LZTS2: variants seen among roughly 807,000 people sequenced by gnomAD.
LZTS2 encodes leucine zipper putative tumor suppressor 2.
In LZTS2, 32 loss-of-function variants were observed where a neutral mutation model predicts 60.6. That is an observed-to-expected ratio of 0.53 (90% CI 0.40 to 0.71). The LOEUF (loss-of-function observed/expected upper bound fraction) is 0.71. Among genes scored for constraint, LZTS2 ranks in the 30% least tolerant of loss-of-function variants. The pLI, the probability that LZTS2 is intolerant of heterozygous loss-of-function variation, is 0.00. For synonymous variants in LZTS2, 360 were observed against 393.1 expected, an observed-to-expected ratio of 0.92 and a Z score of 1.00; for missense variants, 792 against 901.9, an observed-to-expected ratio of 0.88 and a Z score of 1.56.
At chr10:101,006,761 G>A (rs746983236) in exon 4 of LZTS2, 1 of 1,571,778 alleles carries the variant, frequency 6.4e-7, no homozygotes, top group Non-Finnish European at 8.6e-7. Flanking sequence ...TGCTGAGGCG[G>A]CCGGACTCCG....
At chr10:100,999,840 C>G (rs1365307773) in exon 1 of LZTS2, 1 of 148,006 alleles carries the variant, frequency 6.8e-6, no homozygotes, top group Non-Finnish European at 1.5e-5. Flanking sequence ...AGTGGCGGCG[C>G]GCGGGCCAGG....
exon 1 of LZTS2, chr10:101,002,913 A>G (rs763622096): frequency 1.2e-6 from 2 of 1,612,752 alleles, no homozygotes; most frequent in East Asian, 4.5e-5. Context: ...GCCCACCACC[A>G]AAGCTCATCC....
chr10:101,006,447 C>G, intron 3 of LZTS2, 38 bp from the exon 5 acceptor site: 1 of 1,576,384 alleles, frequency 6.3e-7, no homozygotes, highest in Non-Finnish European at 8.6e-7. Flanking sequence ...CCAGGAGAAC[C>G]TGTCTCACCA....
At chr10:100,999,877 C>A (rs1485578657) in exon 1 of LZTS2, 3 of 150,500 alleles carry the variant, frequency 2.0e-5, no homozygotes, top group Non-Finnish European at 4.4e-5. Context: ...GGGCCGGAGC[C>A]GGAGCCGGGG....
exon 1 of LZTS2, chr10:101,001,473 C>A (rs942265817): frequency 6.6e-6 from 1 of 152,268 alleles, no homozygotes; most frequent in African/African-American, 2.4e-5. Context: ...TGCACACACT[C>A]CTACTCCCAG....
At chr10:101,001,133 C>G (rs761728141) in exon 1 of LZTS2, 1 of 152,346 alleles carries the variant, frequency 6.6e-6, no homozygotes, top group Non-Finnish European at 1.5e-5. Context: ...CTCCACTGCA[C>G]CACTCACCTT....
chr10:101,007,612 C>T (rs998544871), exon 4 of LZTS2: 21 of 1,262,512 alleles, frequency 1.7e-5, no homozygotes, highest in East Asian at 1.2e-4. Context: ...GGCCTGGGCT[C>T]GGTTCCCAGG....
chr10:101,004,827 G>A (rs1201590480), intron 2 of LZTS2, among the ~76,000 whole-genome samples: 1 of 152,120 alleles, frequency 6.6e-6, no homozygotes, highest in Non-Finnish European at 1.5e-5. Context: ...CCTAGGAAGT[G>A]CTATATAAAT....
chr10:101,004,898 A>C lies in LZTS2; in HGVS notation c.1069-560A>C, dbSNP rs573884814. Among the ~76,000 whole-genome samples the C allele has an allele frequency of 2.0e-5, 3 of 152,280 alleles. No homozygotes were observed. In the South Asian group the frequency reaches 6.2e-4, roughly 32 times the overall value. On this transcript the variant is annotated intron_variant, in intron 2 of 3. Transcript: ENST00000370220. Reference sequence around the variant, plus strand: ...TTTTAGTAGAGACAGGGTTTCCACCATGTTGGCCAAGCTGGTCGCGAACCC... The same window carrying C: ...TTTTAGTAGAGACAGGGTTTCCACCCTGTTGGCCAAGCTGGTCGCGAACCC...
chr10:101,006,142 C>A (rs116510648), intron 3 of LZTS2, among the ~76,000 whole-genome samples: 1 of 152,342 alleles, frequency 6.6e-6, no homozygotes, highest in South Asian at 2.1e-4. Flanking sequence ...TAGTACCTCT[C>A]CAGCAGGCAC....
chr10:100,998,161 C>G (rs552598649), upstream of LZTS2, among the ~76,000 whole-genome samples: 14 of 152,318 alleles, frequency 9.2e-5, no homozygotes, highest in Admixed American at 2.6e-4. Context: ...GGCCTGCCCC[C>G]CTAGAAAAAG....
At position 101,002,713 on chromosome 10, in the gene LZTS2, C is replaced by T; in HGVS notation, c.175C>T (p.Gln59Ter). Residue 59 changes from glutamine (Q) to a stop codon, truncating the protein, a stop_gained, in exon 1 of 4, where the codon CAG becomes TAG. Transcript: ENST00000370220. LOFTEE classifies it high-confidence loss of function. ...TCCTGGGCCCACCTTCTTCCGCCAG[C>T]AGGATGGCCTGCTACGGGGTGGCTA... 1 of 1,611,390 alleles carries T rather than the reference C, an allele frequency of 6.2e-7. No individual in the cohort carries two copies. The highest frequency in any genetic ancestry group is 8.5e-7 in the Non-Finnish European group (1 of 1,178,662).
At chr10:101,005,849 C>A in intron 3 of LZTS2, 134 bp downstream of exon 4, 1 of 1,225,668 alleles carries the variant, frequency 8.2e-7, no homozygotes, top group African/African-American at 1.5e-5. Context: ...AGATGAGGTT[C>A]CCCTCTGTCC....
At chr10:101,007,043 C>T (rs756829278) in exon 4 of LZTS2, 23 of 1,596,786 alleles carry the variant, frequency 1.4e-5, no homozygotes, top group Non-Finnish European at 2.0e-5. Context: ...CCGGCGCAAC[C>T]GGCAGCTAGA....
At chr10:101,002,092 C>T (rs1053917156) in exon 1 of LZTS2, 4 of 157,158 alleles carry the variant, frequency 2.5e-5, no homozygotes, top group Admixed American at 1.9e-4. Context: ...TACCTCTGCC[C>T]AAACTGCCCT....
exon 3 of LZTS2, chr10:101,005,665 G>A: frequency 6.2e-7 from 1 of 1,606,590 alleles, no homozygotes; most frequent in African/African-American, 1.3e-5. Flanking sequence ...CGCCACCTTG[G>A]AGCGGGAGCA....
chr10:101,006,199 A>ACCCAGTCCCCAGTC (rs758496393), intron 3 of LZTS2, among the ~76,000 whole-genome samples: 1 of 152,120 alleles, frequency 6.6e-6, no homozygotes, highest in Non-Finnish European at 1.5e-5. Flanking sequence ...ACTTGCCAGG[A>ACCCAGTCCCCAGTC]CCCAGTCCCC....
exon 2 of LZTS2, chr10:101,003,834 C>T (rs1181152714): frequency 6.2e-7 from 1 of 1,613,414 alleles, no homozygotes; most frequent in South Asian, 1.1e-5. Flanking sequence ...CCCAGGCGGG[C>T]ACCTGCCTTC....
chr10:101,003,595 G>A (rs963780251), exon 2 of LZTS2: 1 of 1,590,932 alleles, frequency 6.3e-7, no homozygotes. Context: ...AGCTTCATGG[G>A]TCCTCGGGCC....
Sources: gnomAD v4.1 joint callset for allele counts (sites outside exome capture counted in the v4.1 genomes callset) on GRCh38, gnomAD v4.1.1 for gene constraint, MANE v1.5 for transcripts, NCBI Gene and HGNC (gene_info 2026-07-23, HGNC 2026-07-21) for gene names.